GLRA1: variants seen among roughly 807,000 people sequenced by gnomAD.
GLRA1 encodes glycine receptor subunit alpha-1.
A neutral mutation model predicts 48.3 loss-of-function variants in GLRA1; 37 were observed. The ratio of observed to expected loss-of-function variants is 0.77; its 90% CI spans 0.59 to 1.01. The LOEUF (loss-of-function observed/expected upper bound fraction) is 1.01. Ranked by LOEUF, GLRA1 falls within the 50% of genes least tolerant of loss-of-function variation. The pLI is 0.00. For synonymous variants in GLRA1, 196 were observed against 210.7 expected (o/e 0.93, Z 0.60); for missense variants, 427 against 571.0 (o/e 0.75, Z 2.57).
intron 1 of GLRA1, among the ~76,000 whole-genome samples, chr5:151,921,383 T>C (rs1054001692): frequency 8.5e-5 from 13 of 152,238 alleles, no homozygotes; most frequent in African/African-American, 2.9e-4. Context: ...GTCTCCCCTT[T>C]GCCCAGGATG....
At position 151,850,710 on chromosome 5, in the gene GLRA1, C is replaced by T. The variant is rs527292263; in HGVS notation, c.912+680G>A. 9.9e-5 allele frequency: 114 copies of T among 1,148,276 alleles called. 1 individual carries two copies. Among genetic ancestry groups the T allele is most frequent in the African/African-American group, 7.4e-4 (49 of 66,268 alleles). 71.1% of individuals were successfully genotyped at this position (1,148,276 alleles called of 1,614,324 possible). On this transcript the variant is annotated intron_variant, in intron 7 of 8. Transcript: ENST00000274576. ...GAAGACTGTTGCCCCTCTGCCACTG[C>T]GAACCCTTTTCGGTGACAGAAGCCC...
chr5:151,836,948 T>C (rs1763593208), intron 7 of GLRA1, among the ~76,000 whole-genome samples: 1 of 152,098 alleles, frequency 6.6e-6, no homozygotes, highest in African/African-American at 2.4e-5. Context: ...AAATGGGATC[T>C]AATTAAACTA....
At chr5:151,896,252 C>A (rs1180637266) in intron 1 of GLRA1, among the ~76,000 whole-genome samples, 1 of 152,204 alleles carries the variant, frequency 6.6e-6, no homozygotes, top group Non-Finnish European at 1.5e-5. Context: ...AACCTTGGCA[C>A]TGAGCCGAAG....
At chr5:151,918,514 T>C (rs1258951621) in intron 1 of GLRA1, among the ~76,000 whole-genome samples, 1 of 152,228 alleles carries the variant, frequency 6.6e-6, no homozygotes, top group Non-Finnish European at 1.5e-5. Context: ...GTTTGTATGT[T>C]CATTGTCCAA....
At position 151,924,711 on chromosome 5, in the gene GLRA1, G is replaced by A. The variant is rs1490949390; in HGVS notation, c.-162C>T. ...GGAGAGCCCCAGGGGAAATTGGAGC[G>A]AGGGGGTCGTAGATACCACGGACAG... is the stretch of plus-strand genomic sequence containing the variant. On this transcript the variant is annotated 5_prime_UTR_variant, in exon 1 of 9. Transcript: ENST00000274576. 2 of 697,562 alleles carry A rather than the reference G, an allele frequency of 2.9e-6. No homozygotes were observed. The highest frequency in any genetic ancestry group is 5.2e-6 in the Non-Finnish European group (2 of 381,292). 43.2% of individuals were successfully genotyped at this position (697,562 alleles called of 1,614,324 possible). A position where few individuals can be genotyped will look rare whatever the true frequency, so the allele number is the denominator to read the frequency against.
Position 151,914,192 on chromosome 5 carries a change from G to A in GLRA1, c.56+10302C>T, listed in dbSNP as rs149471562. Among the ~76,000 whole-genome samples, 655 of 152,292 alleles carry A rather than the reference G, an allele frequency of 4.3e-3. 6 individuals are homozygous for A. Among genetic ancestry groups the A allele is most frequent in the African/African-American group, 0.015 (605 of 41,552 alleles). On this transcript the variant is annotated intron_variant, in intron 1 of 8. Coordinates refer to ENST00000274576, the MANE Select transcript of GLRA1 (RefSeq NM_000171.4). ...CAATAGGGCTTGTAGGGACACATTG[G>A]AAAGTGTCTCTGGTGTCACTCAGAG...
intron 6 of GLRA1, among the ~76,000 whole-genome samples, chr5:151,852,709 C>A (rs1016487170): frequency 6.6e-6 from 1 of 152,190 alleles, no homozygotes; most frequent in Non-Finnish European, 1.5e-5. Context: ...TGAAATGAAT[C>A]AGAATATGCT....
At chr5:151,897,759 G>A (rs1256762264) in intron 1 of GLRA1, among the ~76,000 whole-genome samples, 1 of 152,142 alleles carries the variant, frequency 6.6e-6, no homozygotes, top group African/African-American at 2.4e-5. Context: ...AGCTAGTTTT[G>A]GTGGACAGGA....
chr5:151,843,215 A>T (rs1752551912), intron 7 of GLRA1, among the ~76,000 whole-genome samples: 1 of 151,242 alleles, frequency 6.6e-6, no homozygotes, highest in African/African-American at 2.4e-5. Context: ...TTAAAACTCC[A>T]GCTATTTTTT....
In GLRA1 at chr5:151,924,654, G is replaced by T; in HGVS notation, c.-105C>A. ...CGCTATTGCAAAAAATAATCCAGAT[G>T]TTAAAGGGAGGCGGGGAACAGGGGC... On this transcript the variant is annotated 5_prime_UTR_variant, in exon 1 of 9. Coordinates refer to ENST00000274576, the MANE Select transcript of GLRA1 (RefSeq NM_000171.4). 4 of 798,554 alleles carry T rather than the reference G, an allele frequency of 5.0e-6. No individual in the cohort carries two copies. In the South Asian group the frequency reaches 5.4e-5, roughly 11 times the overall value. 49.5% of individuals were successfully genotyped at this position (798,554 alleles called of 1,614,324 possible).
intron 7 of GLRA1, among the ~76,000 whole-genome samples, chr5:151,849,426 CTTTCCTTTCCTTTCCTTTCCTTTCCTT>C: frequency 5.6e-5 from 1 of 18,000 alleles, no homozygotes; most frequent in African/African-American, 3.1e-4. Flanking sequence ...CTTTCCTTTC[CTTTCCTTTCCTTTCCTTTCCTTTCCTT>C]TCCTTCCTTC....
intron 1 of GLRA1, among the ~76,000 whole-genome samples, chr5:151,924,069 C>T (rs1377321661): frequency 6.6e-6 from 1 of 152,146 alleles, no homozygotes; most frequent in Non-Finnish European, 1.5e-5. Flanking sequence ...GGCTCCCAGA[C>T]GGGAAAGCTG....
At chr5:151,912,542 C>T (rs763148846) in intron 1 of GLRA1, among the ~76,000 whole-genome samples, 4 of 152,110 alleles carry the variant, frequency 2.6e-5, no homozygotes, top group Non-Finnish European at 2.9e-5. Flanking sequence ...GCCAGGGCTG[C>T]GCTGCCATAT....
chr5:151,872,134 AC>A (rs1280475041), intron 3 of GLRA1, among the ~76,000 whole-genome samples: 1 of 149,792 alleles, frequency 6.7e-6, no homozygotes, highest in Non-Finnish European at 1.5e-5. Flanking sequence ...TAGTAGAAAA[AC>A]AGTGACTGTT....
At chr5:151,843,854 C>T (rs147747606) in intron 7 of GLRA1, among the ~76,000 whole-genome samples, 3 of 152,210 alleles carry the variant, frequency 2.0e-5, no homozygotes, top group Non-Finnish European at 4.4e-5. Flanking sequence ...GGTGCTGGGA[C>T]AACTGGATAT....
intron 3 of GLRA1, among the ~76,000 whole-genome samples, chr5:151,868,491 AT>A (rs2113374189): frequency 1.3e-5 from 2 of 152,320 alleles, no homozygotes; most frequent in African/African-American, 4.8e-5. Context: ...TGTTACACTC[AT>A]GACACTGCAT....
At chr5:151,917,045 T>A (rs550141207) in intron 1 of GLRA1, among the ~76,000 whole-genome samples, 1 of 152,290 alleles carries the variant, frequency 6.6e-6, no homozygotes, top group Admixed American at 6.5e-5. Context: ...AGTTTGGGGA[T>A]TATCTATGGC....
At position 151,822,532 on chromosome 5, in the gene GLRA1, C is replaced by T. The variant is rs536527992; in HGVS notation, c.*141G>A. On this transcript the variant is annotated 3_prime_UTR_variant, in exon 9 of 9. Coordinates refer to ENST00000274576, the MANE Select transcript of GLRA1 (RefSeq NM_000171.4). Reference sequence around the variant, plus strand: ...ACATTGTAAAATTCATGCATCACTGCATTTTGCTATTGCACATATTGCAGA... The same window carrying T: ...ACATTGTAAAATTCATGCATCACTGTATTTTGCTATTGCACATATTGCAGA... The T allele has an allele frequency of 7.5e-5, 52 of 697,546 alleles. 1 individual carries two copies. The South Asian group carries it at 8.3e-4, about 11-fold the overall frequency. 43.2% of individuals were successfully genotyped at this position (697,546 alleles called of 1,614,324 possible).
At chr5:151,888,274 T>C (rs1437670705) in intron 2 of GLRA1, among the ~76,000 whole-genome samples, 3 of 152,206 alleles carry the variant, frequency 2.0e-5, no homozygotes, top group Non-Finnish European at 4.4e-5. Flanking sequence ...AGTCTTGGCA[T>C]ATAGGAGGGG....
Sources: gnomAD v4.1 joint callset for allele counts (sites outside exome capture counted in the v4.1 genomes callset) on GRCh38, gnomAD v4.1.1 for gene constraint, MANE v1.5 for transcripts, NCBI Gene and HGNC (gene_info 2026-07-23, HGNC 2026-07-21) for gene names.